The following VPS37A variants were observed in gnomAD, a reference collection of about 807,000 sequenced individuals.
VPS37A encodes the protein VPS37A subunit of ESCRT-I.
A neutral mutation model predicts 49.8 loss-of-function variants in VPS37A; 30 were observed. The observed-to-expected ratio is 0.60, with a 90% CI of 0.45 to 0.82. VPS37A has a LOEUF of 0.82. Ranked by LOEUF, VPS37A falls within the 40% of genes least tolerant of loss-of-function variation. The pLI is 0.00. For missense variants in VPS37A, 593 were observed against 464.4 expected (o/e 1.28, Z -2.55); for synonymous variants, 195 against 160.6 (o/e 1.21, Z -1.62).
At chr8:17,261,918 T>C (rs2150363886) in intron 1 of VPS37A, among the ~76,000 whole-genome samples, 1 of 152,324 alleles carries the variant, frequency 6.6e-6, no homozygotes, top group East Asian at 1.9e-4. Flanking sequence ...CTCTCCCCTT[T>C]GTCTCTGGCT....
chr8:17,301,440 AAGGT>A (rs1369001197), downstream of VPS37A, among the ~76,000 whole-genome samples: 1 of 152,180 alleles, frequency 6.6e-6, no homozygotes, highest in Non-Finnish European at 1.5e-5. Flanking sequence ...GACAAACACA[AAGGT>A]AGGAAGGTCT....
the VPS37A span, among the ~76,000 whole-genome samples, chr8:17,317,986 T>C: frequency 6.6e-6 from 1 of 152,118 alleles, no homozygotes; most frequent in Non-Finnish European, 1.5e-5. Flanking sequence ...TGTGTTTAAC[T>C]GGAACAGAAA....
chr8:17,321,880 CAA>C, the VPS37A span, among the ~76,000 whole-genome samples: 3 of 152,272 alleles, frequency 2.0e-5, no homozygotes, highest in Non-Finnish European at 2.9e-5. Context: ...AAAGCAAAGA[CAA>C]AAGATATAAT....
chr8:17,249,375 G>A (rs1811762812), intron 1 of VPS37A, among the ~76,000 whole-genome samples: 1 of 152,196 alleles, frequency 6.6e-6, no homozygotes, highest in Non-Finnish European at 1.5e-5. Context: ...TTTTGAACCA[G>A]AAATTATGAA....
At chr8:17,317,875 C>G in the VPS37A span, among the ~76,000 whole-genome samples, 1 of 152,212 alleles carries the variant, frequency 6.6e-6, no homozygotes, top group South Asian at 2.1e-4. Context: ...TTTCCATGAC[C>G]TCCTCTTTCA....
chr8:17,298,074 C>G (rs1312670777), downstream of VPS37A: 1 of 152,010 alleles, frequency 6.6e-6, no homozygotes, highest in Admixed American at 6.5e-5. Context: ...TAGACATACA[C>G]TGTCAAACGG....
the VPS37A span, among the ~76,000 whole-genome samples, chr8:17,314,998 G>A: frequency 6.6e-6 from 1 of 151,646 alleles, no homozygotes; most frequent in African/African-American, 2.4e-5. Context: ...TACACACAAT[G>A]ATTCACAGAA....
intron 1 of VPS37A, among the ~76,000 whole-genome samples, chr8:17,265,529 A>G (rs902025092): frequency 2.0e-5 from 3 of 152,222 alleles, no homozygotes; most frequent in African/African-American, 7.2e-5. Flanking sequence ...CCAGCTGCCG[A>G]TATTGCTTAA....
the VPS37A span, chr8:17,326,367 C>T: frequency 2.6e-5 from 4 of 152,106 alleles, no homozygotes; most frequent in East Asian, 1.9e-4. Flanking sequence ...AAATCTGAAC[C>T]GTGTCCAATA....
At chr8:17,284,228 T>C (rs1815374036) in intron 9 of VPS37A, among the ~76,000 whole-genome samples, 1 of 152,226 alleles carries the variant, frequency 6.6e-6, no homozygotes. Flanking sequence ...AGAACAATGA[T>C]TTTCCCAGTT....
chr8:17,249,607 C>T (rs1811783881), intron 1 of VPS37A, among the ~76,000 whole-genome samples: 1 of 152,158 alleles, frequency 6.6e-6, no homozygotes, highest in South Asian at 2.1e-4. Context: ...AAATGCCACT[C>T]ACCTATTCTT....
the VPS37A span, among the ~76,000 whole-genome samples, chr8:17,321,688 A>G: frequency 6.6e-6 from 1 of 152,226 alleles, no homozygotes; most frequent in African/African-American, 2.4e-5. Context: ...ACCCAAACCA[A>G]TATTTACAAA....
intron 6 of VPS37A, among the ~76,000 whole-genome samples, chr8:17,278,573 G>A (rs1814743478): frequency 6.6e-6 from 1 of 152,038 alleles, no homozygotes; most frequent in South Asian, 2.1e-4. Context: ...GATGCTGTGG[G>A]CTCATCATGA....
chr8:17,311,552 G>A, the VPS37A span: 1 of 1,614,106 alleles, frequency 6.2e-7, no homozygotes, highest in South Asian at 1.1e-5. Context: ...TCCAGCAGCA[G>A]GCTTGCCACC....
At chr8:17,291,969 C>T (rs934361758) in intron 11 of VPS37A, among the ~76,000 whole-genome samples, 2 of 152,140 alleles carry the variant, frequency 1.3e-5, no homozygotes, top group Non-Finnish European at 2.9e-5. Flanking sequence ...GTGGATAGTT[C>T]TGTAGATGTC....
At chr8:17,293,404 A>AATGT (rs1347270302) in intron 11 of VPS37A, among the ~76,000 whole-genome samples, 1 of 152,014 alleles carries the variant, frequency 6.6e-6, no homozygotes, top group Non-Finnish European at 1.5e-5. Context: ...GAGTTAGAAC[A>AATGT]TGCTCCTTTA....
At chr8:17,326,431 G>A in the VPS37A span, 1 of 152,192 alleles carries the variant, frequency 6.6e-6, no homozygotes, top group African/African-American at 2.4e-5. Flanking sequence ...TGGTTATAAT[G>A]ATCCTTGCAG....
rs1816584070 is a variant in VPS37A at position 17,295,825 on chromosome 8, T to C, written c.*839T>C. 6.6e-6 allele frequency: 1 copy of C among 152,358 alleles called. No homozygotes were observed. Among genetic ancestry groups the C allele is most frequent in the Admixed American group, 6.5e-5 (1 of 15,304 alleles). 9.4% of individuals were successfully genotyped at this position (152,358 alleles called of 1,614,324 possible). A position where few individuals can be genotyped will look rare whatever the true frequency, so the allele number is the denominator to read the frequency against. On this transcript the variant is annotated 3_prime_UTR_variant, in exon 12 of 12. Coordinates refer to ENST00000324849, the MANE Select transcript of VPS37A (RefSeq NM_152415.3). Reference sequence around the variant, plus strand: ...AAAGTCAGTGAACTTTTCTGACCTTTACTGTGAGTTACCTTTTCCTAAGAG... The same window carrying C: ...AAAGTCAGTGAACTTTTCTGACCTTCACTGTGAGTTACCTTTTCCTAAGAG...
intron 3 of VPS37A, 34 bp downstream of exon 3, chr8:17,268,406 A>ACACC: frequency 7.0e-7 from 1 of 1,427,374 alleles, no homozygotes; most frequent in Non-Finnish European, 9.8e-7. Context: ...TCAGGGTAAT[A>ACACC]TAATAGGTGT....
Sources: allele counts gnomAD v4.1 joint callset (sites outside exome capture counted in the v4.1 genomes callset), GRCh38; gene constraint gnomAD v4.1.1; transcripts MANE v1.5; gene names NCBI Gene and HGNC (gene_info 2026-07-23, HGNC 2026-07-21).